Variants in MIS18BP1 observed in about 807,000 individuals in gnomAD.
MIS18BP1 encodes MIS18 binding protein 1.
A neutral mutation model predicts 116.1 loss-of-function variants in MIS18BP1; 72 were observed. The observed-to-expected ratio is 0.62, with a 90% confidence interval of 0.51 to 0.75. The LOEUF is 0.75. Ranked by LOEUF, MIS18BP1 falls within the 30% of genes least tolerant of loss-of-function variation. The pLI, the probability that MIS18BP1 is intolerant of heterozygous loss-of-function variation, is 0.00. For synonymous variants in MIS18BP1, 386 were observed against 427.0 expected, an observed-to-expected ratio of 0.90 and a Z score of 1.18; for missense variants, 1,363 against 1,303.2, an observed-to-expected ratio of 1.05 and a Z score of -0.71.
rs531539486 is a variant in MIS18BP1, at chr14:45,220,144, G to T, written c.2670-1690C>A. ...GACAGGGTCTCAATCTGTCACCCAT[G>T]CAGGAGTGCCGGGCATTATCATAGC... On this transcript the variant is annotated intron_variant, in intron 11 of 16. Transcript: ENST00000310806. Among the ~76,000 whole-genome samples the T allele has an allele frequency of 5.3e-5, 8 of 151,692 alleles. No individual in the cohort carries two copies. The South Asian group carries it at 1.3e-3, about 24-fold the overall frequency.
intron 11 of MIS18BP1, among the ~76,000 whole-genome samples, chr14:45,221,237 G>C (rs1594508510): frequency 6.6e-6 from 1 of 152,084 alleles, no homozygotes; most frequent in Non-Finnish European, 1.5e-5. Flanking sequence ...AGGAGATCGA[G>C]ACCATCCTGG....
chr14:45,242,720 T>C (rs2139237691), intron 3 of MIS18BP1, 41 bp downstream of exon 3: 1 of 1,538,316 alleles, frequency 6.5e-7, no homozygotes, highest in East Asian at 2.2e-5. Flanking sequence ...TTTAACAATA[T>C]ACTTAAGTAA....
At position 45,224,593 on chromosome 14, in the gene MIS18BP1, C is replaced by T. The variant is rs1457813406; in HGVS notation, c.1994G>A (p.Cys665Tyr). 2 of 1,613,742 alleles carry T rather than the reference C, an allele frequency of 1.2e-6. No homozygotes were observed. Among genetic ancestry groups the T allele is most frequent in the South Asian group, 1.1e-5 (1 of 90,986 alleles). ...GCCAGCGGACAGATTATACCTCATG[C>T]ATCTTTGCTCTATCACTTTTCTAGA... Reference protein sequence around the residue: ...LKSRKVIEQRCMRYNLSAGTI... With the variant: ...LKSRKVIEQRYMRYNLSAGTI... Residue 665 changes from cysteine (C) to tyrosine (Y), a missense_variant, in exon 11 of 17, where the codon TGC becomes TAC. By Grantham distance (194) the Cys-to-Tyr change is radical (BLOSUM62 -2). Transcript: ENST00000310806.
chr14:45,247,243 G>A lies in MIS18BP1; in HGVS notation c.44C>T (p.Pro15Leu). ...ATTTCTCCTTTGAGAAGATGCCTCT[G>A]GAGGTAAGTAAATTCTTGAATGTTT... The part of the protein sequence containing the change: ...PLKHSRIYLP[P>L]EASSQRRNLP... Residue 15 changes from proline to leucine, a missense_variant, in exon 2 of 17, where the codon CCA (proline) becomes CTA (leucine). By Grantham distance (98) the Pro-to-Leu change is moderately conservative. Coordinates refer to ENST00000310806, the MANE Select transcript of MIS18BP1 (RefSeq NM_018353.5). 1 of 1,595,788 alleles carries A rather than the reference G, an allele frequency of 6.3e-7. No homozygotes were observed. Among genetic ancestry groups the A allele is most frequent in the Non-Finnish European group, 8.5e-7 (1 of 1,175,144 alleles).
At chr14:45,249,198 T>C (rs1293914358) in intron 1 of MIS18BP1, among the ~76,000 whole-genome samples, 1 of 152,110 alleles carries the variant, frequency 6.6e-6, no homozygotes, top group Non-Finnish European at 1.5e-5. Context: ...TTCAAGCAAT[T>C]CTCCTGTCTT....
chr14:45,252,216 A>T (rs1891894686), intron 1 of MIS18BP1, among the ~76,000 whole-genome samples: 1 of 152,212 alleles, frequency 6.6e-6, no homozygotes, highest in Non-Finnish European at 1.5e-5. Flanking sequence ...AGTTCACTGC[A>T]GCATAAAATG....
chr14:45,213,818 C>T (rs1434624353), intron 13 of MIS18BP1, among the ~76,000 whole-genome samples: 10 of 152,238 alleles, frequency 6.6e-5, no homozygotes, highest in Non-Finnish European at 1.3e-4. Context: ...AAAAATTCTT[C>T]TGCCTTGAGA....
chr14:45,247,480 G>C (rs1281399239), intron 1 of MIS18BP1, 103 bp from the exon 2 acceptor site: 4 of 451,492 alleles, frequency 8.9e-6, no homozygotes, highest in Non-Finnish European at 1.2e-5. Flanking sequence ...TGTTTAACTG[G>C]TTCATAACAA....
chr14:45,210,224 G>A lies in MIS18BP1; in HGVS notation c.3152+156C>T, dbSNP rs146040030. 6,888 of 704,884 alleles carry A rather than the reference G, an allele frequency of 9.8e-3. 66 individuals are homozygous for A. Among genetic ancestry groups the A allele is most frequent in the Non-Finnish European group, 0.011 (4,841 of 448,116 alleles). 43.7% of individuals were successfully genotyped at this position (704,884 alleles called of 1,614,324 possible). A position where few individuals can be genotyped will look rare whatever the true frequency, so the allele number is the denominator to read the frequency against. On this transcript the variant is annotated intron_variant, in intron 14 of 16. Coordinates refer to ENST00000310806, the MANE Select transcript of MIS18BP1 (RefSeq NM_018353.5). ...TTATTGAATAGCACCCCGATTTGAT[G>A]AACTTGTCCATCCTTAACTTCTAGA...
intron 11 of MIS18BP1, among the ~76,000 whole-genome samples, chr14:45,219,921 T>C (rs1352194296): frequency 6.6e-6 from 1 of 152,188 alleles, no homozygotes; most frequent in Non-Finnish European, 1.5e-5. Flanking sequence ...TTCCAGATAA[T>C]TTAAAAAGAC....
chr14:45,246,631 G>T, intron 2 of MIS18BP1, 112 bp downstream of exon 2: 6 of 929,984 alleles, frequency 6.5e-6, no homozygotes, highest in Non-Finnish European at 9.2e-6. Context: ...CTACACAAGG[G>T]CAAGGATTTT....
chr14:45,220,387 A>AC (rs1438534751), intron 11 of MIS18BP1, among the ~76,000 whole-genome samples: 1 of 152,096 alleles, frequency 6.6e-6, no homozygotes, highest in Non-Finnish European at 1.5e-5. Context: ...ATGTGTCCCT[A>AC]CCCAAGACTC....
In MIS18BP1 at chr14:45,226,851, G is replaced by T. The variant is rs1284373811; in HGVS notation, c.1747-15C>A. 1 of 1,335,110 alleles carries T rather than the reference G, an allele frequency of 7.5e-7. No homozygotes were observed. Among genetic ancestry groups the T allele is most frequent in the Non-Finnish European group, 9.8e-7 (1 of 1,016,138 alleles). The allele number at this position is 1,335,110 out of a possible 1,614,324, so 82.7% of individuals were successfully genotyped here. On this transcript the variant is annotated splice_polypyrimidine_tract_variant and intron_variant, in intron 9 of 16. Coordinates refer to ENST00000310806, the MANE Select transcript of MIS18BP1 (RefSeq NM_018353.5). ...CCAATTAATTCCTTCAAAACAAAAA[G>T]ATACCTAGGTTTTATTTTAAAACTA... is the stretch of plus-strand genomic sequence containing the variant.
At position 45,232,810 on chromosome 14, in the gene MIS18BP1, AT is replaced by A; in HGVS notation, c.1358del (p.Asn453IlefsTer4). 7.1e-7 allele frequency: 1 copy of A among 1,404,610 alleles called. No individual in the cohort carries two copies. Among genetic ancestry groups the A allele is most frequent in the Non-Finnish European group, 9.8e-7 (1 of 1,019,434 alleles). The allele number at this position is 1,404,610 out of a possible 1,614,324, so 87.0% of individuals were successfully genotyped here. ...CAAACATAAATTTCCTTATGAGATA[AT>A]TTGGATATCCTATTTAAGGATAAAC... ...QISMKEAGYP[N>X]YLIRKFMFGF... On this transcript the variant is annotated frameshift_variant, in exon 7 of 17. Coordinates refer to ENST00000310806, the MANE Select transcript of MIS18BP1 (RefSeq NM_018353.5). LOFTEE classifies it high-confidence loss of function.
In MIS18BP1 at chr14:45,224,792, C is replaced by T; in HGVS notation, c.1841-46G>A. 3 of 1,330,272 alleles carry T rather than the reference C, an allele frequency of 2.3e-6. 1 individual carries two copies. The highest frequency in any genetic ancestry group is 2.8e-5 in the South Asian group (2 of 70,544). The allele number at this position is 1,330,272 out of a possible 1,614,324, so 82.4% of individuals were successfully genotyped here. On this transcript the variant is annotated intron_variant, in intron 10 of 16. Coordinates refer to ENST00000310806, the MANE Select transcript of MIS18BP1 (RefSeq NM_018353.5). ...ACCAAAGACCAAAATCTCAAATTAG[C>T]TATAAACAAATATAAGCACAGAAAA...
chr14:45,235,590 C>CAAAAAAA (rs77272289), intron 6 of MIS18BP1, among the ~76,000 whole-genome samples: 2 of 68,720 alleles, frequency 2.9e-5, no homozygotes, highest in African/African-American at 5.7e-5. Flanking sequence ...ACTCCATTTC[C>CAAAAAAA]AAAAAAAAAA....
chr14:45,223,101 ACAAAC>A lies in MIS18BP1; in HGVS notation c.2669+812_2669+816del, dbSNP rs542404804. On this transcript the variant is annotated intron_variant, in intron 11 of 16. Transcript: ENST00000310806. ...CAAAACAAAACAAAACAAAACAAAA[ACAAAC>A]CAAACCAAACACTGGGGATTTCCTC... 4.4e-3 allele frequency among the ~76,000 whole-genome samples: 648 copies of A among 148,228 alleles called. 2 individuals are homozygous for A. The highest frequency in any genetic ancestry group is 6.7e-3 in the Non-Finnish European group (446 of 66,206).
chr14:45,249,924 C>G (rs1303248238), intron 1 of MIS18BP1: 2 of 152,146 alleles, frequency 1.3e-5, no homozygotes, highest in East Asian at 3.9e-4. Context: ...AACAAAATGG[C>G]AAAGAATGTT....
intron 7 of MIS18BP1, among the ~76,000 whole-genome samples, chr14:45,232,194 A>ATCAGGAGG (rs1228636257): frequency 2.0e-5 from 3 of 151,842 alleles, no homozygotes; most frequent in Non-Finnish European, 4.4e-5. Context: ...AGGTGGGTGG[A>ATCAGGAGG]TCAGGAGGTC....
Sources: allele counts gnomAD v4.1 joint callset (sites outside exome capture counted in the v4.1 genomes callset), GRCh38; gene constraint gnomAD v4.1.1; transcripts MANE v1.5; gene names NCBI Gene and HGNC (gene_info 2026-07-23, HGNC 2026-07-21).